Variants in GLB1L observed in about 807,000 individuals in gnomAD.
GLB1L encodes galactosidase beta 1 like, also known as beta-galactosidase-1-like protein.
GLB1L carries 58 observed loss-of-function variants against 75.7 expected under a neutral mutation model. The observed-to-expected ratio is 0.77, with a 90% confidence interval of 0.62 to 0.95. The LOEUF (loss-of-function observed/expected upper bound fraction) is 0.95, where lower values mean the gene tolerates loss of function less well. Among genes scored for constraint, GLB1L ranks in the 40% least tolerant of loss-of-function variants. The pLI is 0.00. For missense variants in GLB1L, 797 were observed against 805.5 expected (o/e 0.99, Z 0.13); for synonymous variants, 296 against 303.0 (o/e 0.98, Z 0.24).
rs765661804 is a variant in GLB1L, at chr2:219,239,843, G to A, written c.722-10C>T. On this transcript the variant is annotated splice_polypyrimidine_tract_variant and intron_variant, in intron 7 of 16. Coordinates refer to ENST00000295759, the MANE Select transcript of GLB1L (RefSeq NM_001286423.2). ...TTGGTCATGTTGTCAGCTGCGGAAA[G>A]GAGGCAAAAGAAAAAGATAAATGTC... 1.9e-6 allele frequency: 3 copies of A among 1,614,190 alleles called. 1 individual carries two copies. The South Asian group carries it at 3.3e-5, about 18-fold the overall frequency.
At position 219,237,222 on chromosome 2, in the gene GLB1L, C is replaced by T. The variant is rs185114654; in HGVS notation, c.1815G>A (p.Leu605=). 3.1e-6 allele frequency: 5 copies of T among 1,614,018 alleles called. No homozygotes were observed. Among genetic ancestry groups the T allele is most frequent in the African/African-American group, 1.3e-5 (1 of 74,908 alleles). Residue 605 remains leucine (L), a synonymous_variant, in exon 17 of 17, where the codon CTG becomes CTA. Transcript: ENST00000295759. ...GCTGGAGAGGTACATCTTCTAGTTC[C>T]AGCAATGTAATTTTGTTGAGGGCTC... ...PRGALNKITL[L]ELEDVPLQPQ...
rs147387490 is a variant in GLB1L at position 219,244,844 on chromosome 2, G to A, written c.-71+385C>T. On this transcript the variant is annotated intron_variant, in intron 1 of 16. Transcript: ENST00000295759. ...GAGGAAAGGACAGAAACATTAAGTA[G>A]CCTGTCCAAGGTCACACAACTACGT... Among the ~76,000 whole-genome samples the A allele has an allele frequency of 3.3e-3, 510 of 152,308 alleles. 9 individuals carry two copies. Among genetic ancestry groups the A allele is most frequent in the African/African-American group, 0.011 (474 of 41,554 alleles).
At chr2:219,242,484 T>G in intron 5 of GLB1L, 30 bp downstream of exon 5, 1 of 1,564,816 alleles carries the variant, frequency 6.4e-7, no homozygotes, top group South Asian at 1.1e-5. Context: ...ACTTACTTGC[T>G]TCTGTGTTAA....
Position 219,243,238 on chromosome 2 carries a change from G to C in GLB1L, c.149C>G (p.Ser50Cys), listed in dbSNP as rs1012912501. 2.5e-6 allele frequency: 4 copies of C among 1,614,126 alleles called. No homozygotes were observed. Among genetic ancestry groups the C allele is most frequent in the South Asian group, 2.2e-5 (2 of 91,076 alleles). Reference protein sequence around the residue: ...LLDGAPFRYVSGSLHYFRVPR... With the variant: ...LLDGAPFRYVCGSLHYFRVPR... ...TACCCGAAAGTAGTGCAGGCTGCCAGACACATAGCGGAACGGGGCCCCGTC... is the reference window on the plus strand; with the variant it reads ...TACCCGAAAGTAGTGCAGGCTGCCACACACATAGCGGAACGGGGCCCCGTC... The change falls in exon 3 of 17, where the codon TCT becomes TGT. Residue 50 changes from serine (S) to cysteine (C), a missense_variant. By Grantham distance (112) the Ser-to-Cys change is moderately radical. Coordinates refer to ENST00000295759, the MANE Select transcript of GLB1L (RefSeq NM_001286423.2).
At position 219,243,181 on chromosome 2, in the gene GLB1L, T is replaced by G; in HGVS notation, c.206A>C (p.Lys69Thr). Residue 69 changes from lysine to threonine, a missense_variant, in exon 3 of 17, where the codon AAG becomes ACG. Physicochemically the swap from Lys to Thr is moderately conservative, Grantham distance 78. Transcript: ENST00000295759. ...PRVLWADRLL[K>T]MRWSGLNAIQ... ...GGCGTTGAGGCCGCTCCATCGCATC[T>G]TCAAAAGCCGGTCGGCCCAAAGCAC... The G allele has an allele frequency of 6.2e-7, 1 of 1,613,182 alleles. No individual in the cohort carries two copies. The highest frequency in any genetic ancestry group is 1.1e-5 in the South Asian group (1 of 90,978).
chr2:219,239,319 A>G (rs1951328555), intron 10 of GLB1L, 92 bp downstream of exon 10: 3 of 1,485,922 alleles, frequency 2.0e-6, no homozygotes, highest in Non-Finnish European at 1.8e-6. Context: ...AGGTGGCCAT[A>G]TTCAGCTTCT....
At chr2:219,238,179 G>A (rs896286969) in intron 14 of GLB1L, 71 bp downstream of exon 14, 23 of 1,174,282 alleles carry the variant, frequency 2.0e-5, no homozygotes, top group Non-Finnish European at 2.8e-5. Context: ...TGTAAATATG[G>A]GGAACTTAAG....
intron 13 of GLB1L, 23 bp from the exon 14 acceptor site, chr2:219,238,386 T>G: frequency 6.4e-7 from 1 of 1,573,534 alleles, no homozygotes; most frequent in Middle Eastern, 1.7e-4. Context: ...GAATGAGTAC[T>G]TCAGACAAAC....
rs576140388 is a variant in GLB1L at position 219,244,354 on chromosome 2, A to G, written c.-70-711T>C. On this transcript the variant is annotated intron_variant, in intron 1 of 16. Transcript: ENST00000295759. The stretch of plus-strand genomic sequence containing the variant: ...GCCTCTAGCACAGGGCCGGGTATAT[A>G]GTAGGTTAAATCTGGATGAATCAAT... 2.8e-4 allele frequency among the ~76,000 whole-genome samples: 43 copies of G among 152,288 alleles called. No individual in the cohort carries two copies. The South Asian group carries it at 8.9e-3, about 32-fold the overall frequency.
In GLB1L at chr2:219,243,259, C is replaced by G; in HGVS notation, c.128G>C (p.Gly43Ala). ...DRGHDRFLLD[G>A]APFRYVSGSL... ...GCCAGACACATAGCGGAACGGGGCC[C>G]CGTCTAGGAGAAACCGGTCATGACC... The change falls in exon 3 of 17, where the codon GGG (glycine) becomes GCG (alanine). Residue 43 changes from glycine (G) to alanine (A), a missense_variant. Transcript: ENST00000295759. The G allele has an allele frequency of 6.2e-7, 1 of 1,613,934 alleles. No individual in the cohort carries two copies. Among genetic ancestry groups the G allele is most frequent in the Non-Finnish European group, 8.5e-7 (1 of 1,179,860 alleles).
intron 1 of GLB1L, among the ~76,000 whole-genome samples, chr2:219,244,428 G>A (rs1951478185): frequency 6.6e-6 from 1 of 152,172 alleles, no homozygotes. Flanking sequence ...GAAACCATTG[G>A]AAAATCTTCA....
chr2:219,237,607 G>C lies in GLB1L; in HGVS notation c.1594C>G (p.Pro532Ala). 1 of 1,614,170 alleles carries C rather than the reference G, an allele frequency of 6.2e-7. No homozygotes were observed. The highest frequency in any genetic ancestry group is 1.1e-5 in the South Asian group (1 of 91,086). Residue 532 changes from proline to alanine, a missense_variant, in exon 16 of 17, where the codon CCT becomes GCT. By Grantham distance (27) the Pro-to-Ala change is conservative (BLOSUM62 -1). Coordinates refer to ENST00000295759, the MANE Select transcript of GLB1L (RefSeq NM_001286423.2). The part of the protein sequence containing the change: ...FPLQLPKWPY[P>A]QAPSGPTFYS... Reference sequence around the variant, plus strand: ...AATGTGGGGCCAGAAGGAGCTTGAGGATATGGCCATTTTGGCAACTGGAGG... The same window carrying C: ...AATGTGGGGCCAGAAGGAGCTTGAGCATATGGCCATTTTGGCAACTGGAGG...
chr2:219,237,104 C>T lies in GLB1L; in HGVS notation c.1933G>A (p.Ala645Thr), dbSNP rs147840034. The change falls in exon 17 of 17, where the codon GCC becomes ACC. Residue 645 changes from alanine to threonine, a missense_variant. Physicochemically the swap from Ala to Thr is moderately conservative, Grantham distance 58 (BLOSUM62 0). Coordinates refer to ENST00000295759, the MANE Select transcript of GLB1L (RefSeq NM_001286423.2). ...CCACTTAACTCCATTGGTTCAGAGG[C>T]ACTCAGTGTATCAGCTGAAAGGGAA... ...INSLSADTLS[A>T]SEPMELSGH The T allele has an allele frequency of 2.5e-6, 4 of 1,611,668 alleles. No homozygotes were observed. In the African/African-American group the frequency reaches 5.3e-5, roughly 22 times the overall value.
intron 1 of GLB1L, among the ~76,000 whole-genome samples, chr2:219,244,559 C>T (rs1485525048): frequency 6.6e-6 from 1 of 151,726 alleles, no homozygotes; most frequent in Non-Finnish European, 1.5e-5. Context: ...GGAAGTGCAC[C>T]CCTCTCCAGC....
chr2:219,243,418 G>C (rs1263284491), intron 2 of GLB1L, 84 bp downstream of exon 2: 1 of 1,597,484 alleles, frequency 6.3e-7, no homozygotes, highest in South Asian at 1.1e-5. Flanking sequence ...CGGGTTGTTT[G>C]GTTGTTACTT....
chr2:219,240,537 A>T (rs1186373916), intron 5 of GLB1L, among the ~76,000 whole-genome samples: 2 of 151,198 alleles, frequency 1.3e-5, no homozygotes, highest in Non-Finnish European at 2.9e-5. Context: ...AGGTCAAGAG[A>T]TTGAGACCAT....
At chr2:219,238,017 G>A (rs1313790318) in intron 14 of GLB1L, 60 bp from the exon 15 acceptor site, 2 of 1,546,750 alleles carry the variant, frequency 1.3e-6, no homozygotes, top group African/African-American at 2.7e-5. Context: ...CCACTGCATA[G>A]GAAACCACAC....
In GLB1L at chr2:219,237,871, C is replaced by A. The variant is rs755272241; in HGVS notation, c.1428G>T (p.Glu476Asp). Residue 476 changes from glutamate to aspartate, a missense_variant, in exon 15 of 17, where the codon GAG (glutamate) becomes GAT (aspartate). By Grantham distance (45) the Glu-to-Asp change is conservative (BLOSUM62 2). Transcript: ENST00000295759. ...KLGSKLDILV[E>D]NMGRLSFGSN... ...ACCCAAAGCTGAGCCTCCCCATGTT[C>A]TCCACCAAGATATCCAGTTTGGACC... 1 of 1,614,204 alleles carries A rather than the reference C, an allele frequency of 6.2e-7. No homozygotes were observed.
In GLB1L at chr2:219,243,615, C is replaced by T; in HGVS notation, c.-42G>A. The T allele has an allele frequency of 6.3e-7, 1 of 1,596,358 alleles. No homozygotes were observed. The highest frequency in any genetic ancestry group is 2.2e-5 in the East Asian group (1 of 44,742). ...CTCTAGTCTGAGACGGCGGACAGAC[C>T]GTCACGTGTCGGATTCCTGGGAGGG... On this transcript the variant is annotated 5_prime_UTR_variant, in exon 2 of 17. Transcript: ENST00000295759.
Sources: allele counts gnomAD v4.1 joint callset (sites outside exome capture counted in the v4.1 genomes callset), GRCh38; gene constraint gnomAD v4.1.1; transcripts MANE v1.5; gene names NCBI Gene and HGNC (gene_info 2026-07-23, HGNC 2026-07-21).